NXPE2: variants seen among roughly 807,000 people sequenced by gnomAD.
NXPE2 encodes the protein NXPE family member 2.
Under a neutral mutation model 34.4 loss-of-function variants are expected in NXPE2, and 34 were observed. The ratio of observed to expected loss-of-function variants is 0.99; its 90% CI spans 0.75 to 1.31. NXPE2 has a LOEUF of 1.31. NXPE2 is among the 40% of genes most tolerant of loss of function. The pLI is 0.00. For synonymous variants in NXPE2, 235 were observed against 231.3 expected (o/e 1.02, Z -0.15); for missense variants, 649 against 672.5 (o/e 0.97, Z 0.39).
chr11:114,767,586 A>T, the NXPE2 span, among the ~76,000 whole-genome samples: 1 of 152,196 alleles, frequency 6.6e-6, no homozygotes, highest in East Asian at 1.9e-4. Context: ...ACCAGATTTT[A>T]TTTTTTATTT....
the NXPE2 span, among the ~76,000 whole-genome samples, chr11:114,495,136 AC>A: frequency 1.3e-5 from 2 of 152,114 alleles, no homozygotes; most frequent in Non-Finnish European, 2.9e-5. Context: ...TGTGGCCACC[AC>A]CAGTGGGACG....
At chr11:114,739,331 CCTT>C in the NXPE2 span, among the ~76,000 whole-genome samples, 1 of 45,280 alleles carries the variant, frequency 2.2e-5, no homozygotes, top group Middle Eastern at 0.01. Context: ...TTCCTTCCTT[CCTT>C]CCTTCCCCCC....
upstream of NXPE2, chr11:114,678,504 A>G (rs1301691548): frequency 4.8e-6 from 6 of 1,251,320 alleles, no homozygotes; most frequent in Admixed American, 1.3e-4. Context: ...CTCCAACCCT[A>G]AGATAAATGC....
the NXPE2 span, among the ~76,000 whole-genome samples, chr11:114,633,284 T>G: frequency 7.2e-6 from 1 of 138,052 alleles, no homozygotes; most frequent in Non-Finnish European, 1.5e-5. Context: ...TTATGTTATA[T>G]TATAAAATTC....
At chr11:114,680,012 A>G (rs545272797) in intron 2 of NXPE2, among the ~76,000 whole-genome samples, 110 of 152,228 alleles carry the variant, frequency 7.2e-4, no homozygotes, top group African/African-American at 2.6e-3. Flanking sequence ...CCATCTCTGT[A>G]CTAGTTGGCA....
chr11:114,553,798 T>C, the NXPE2 span: 4 of 977,000 alleles, frequency 4.1e-6, no homozygotes, highest in Non-Finnish European at 4.9e-6. Context: ...TGCTGGCTTA[T>C]GAAAGCCTAT....
At chr11:114,590,343 C>A in the NXPE2 span, among the ~76,000 whole-genome samples, 2 of 152,130 alleles carry the variant, frequency 1.3e-5, no homozygotes, top group East Asian at 1.9e-4. Context: ...TCTGAAAGGA[C>A]CAGAGCATTA....
chr11:114,525,272 G>A, the NXPE2 span, among the ~76,000 whole-genome samples: 1 of 151,952 alleles, frequency 6.6e-6, no homozygotes. Flanking sequence ...TGCCCACTGA[G>A]AAATAGATTC....
chr11:114,633,887 C>A, the NXPE2 span, among the ~76,000 whole-genome samples: 2 of 151,944 alleles, frequency 1.3e-5, no homozygotes, highest in East Asian at 3.8e-4. Context: ...GGGTTGGTTC[C>A]AAGTCTGCTA....
the NXPE2 span, among the ~76,000 whole-genome samples, chr11:114,495,676 CCTGA>C: frequency 6.6e-6 from 1 of 152,072 alleles, no homozygotes; most frequent in African/African-American, 2.4e-5. Context: ...GTGAGTACTG[CCTGA>C]CTACTATTAG....
At chr11:114,581,781 T>C in the NXPE2 span, 1 of 1,607,750 alleles carries the variant, frequency 6.2e-7, no homozygotes, top group Non-Finnish European at 8.5e-7. Context: ...TACACCCACA[T>C]TTGACCTTAA....
the NXPE2 span, among the ~76,000 whole-genome samples, chr11:114,772,104 C>G: frequency 6.6e-6 from 1 of 152,168 alleles, no homozygotes; most frequent in Non-Finnish European, 1.5e-5. Flanking sequence ...GCTTTTCCAG[C>G]TGTGGTCGTA....
At chr11:114,612,441 C>T in the NXPE2 span, among the ~76,000 whole-genome samples, 1 of 151,452 alleles carries the variant, frequency 6.6e-6, no homozygotes, top group South Asian at 2.1e-4. Context: ...TCGTGGGTCA[C>T]CACTGCTACC....
the NXPE2 span, among the ~76,000 whole-genome samples, chr11:114,666,634 C>G: frequency 1.3e-4 from 20 of 151,920 alleles, no homozygotes; most frequent in East Asian, 3.7e-3. Context: ...TCATATAAGC[C>G]CTTAGTACTT....
chr11:114,637,444 G>C, the NXPE2 span, among the ~76,000 whole-genome samples: 2 of 151,784 alleles, frequency 1.3e-5, no homozygotes, highest in African/African-American at 4.8e-5. Flanking sequence ...CTTTTAATTG[G>C]AGCATTTAGT....
chr11:114,644,485 T>C, the NXPE2 span, among the ~76,000 whole-genome samples: 2 of 152,064 alleles, frequency 1.3e-5, no homozygotes, highest in African/African-American at 2.4e-5. Flanking sequence ...ATTTTATCAA[T>C]TGCATTTCTA....
chr11:114,704,093 T>C, intron 4 of NXPE2, 41 bp downstream of exon 4: 1 of 1,406,314 alleles, frequency 7.1e-7, no homozygotes, highest in Non-Finnish European at 9.8e-7. Context: ...TCACAATTTA[T>C]CCACGGAAAG....
chr11:114,666,153 C>G, the NXPE2 span, among the ~76,000 whole-genome samples: 1 of 152,140 alleles, frequency 6.6e-6, no homozygotes, highest in African/African-American at 2.4e-5. Context: ...CTGACCTTCT[C>G]CTTCTCTCTC....
Position 114,706,771 on chromosome 11 carries a change from C to T in NXPE2, c.1521C>T (p.Gly507=), listed in dbSNP as rs1287886493. 6.4e-7 allele frequency: 1 copy of T among 1,552,192 alleles called. No individual in the cohort carries two copies. Among genetic ancestry groups the T allele is most frequent in the Non-Finnish European group, 8.7e-7 (1 of 1,147,066 alleles). The change falls in exon 6 of 6, where the codon GGC becomes GGT. Residue 507 remains glycine, a synonymous_variant. Transcript: ENST00000389586. Reference sequence around the variant, plus strand: ...CAGAGATGTTCAGTGACTTTCATGGCTATATTCAGAATCTTATCATAAGAG... The same window carrying T: ...CAGAGATGTTCAGTGACTTTCATGGTTATATTCAGAATCTTATCATAAGAG... ...QNAEMFSDFH[G]YIQNLIIRDI...
Sources: allele counts gnomAD v4.1 joint callset (sites outside exome capture counted in the v4.1 genomes callset), GRCh38; gene constraint gnomAD v4.1.1; transcripts MANE v1.5; gene names NCBI Gene and HGNC (gene_info 2026-07-23, HGNC 2026-07-21).